Variants in CCSER1 observed in about 807,000 individuals in gnomAD.
CCSER1 encodes coiled-coil serine rich protein 1.
Under a neutral mutation model 82.0 loss-of-function variants are expected in CCSER1, and 41 were observed. The observed-to-expected ratio is 0.50, with a 90% CI of 0.39 to 0.65. The LOEUF is 0.65. Ranked by LOEUF, CCSER1 falls within the 30% of genes least tolerant of loss-of-function variation. The pLI is 0.00. For missense variants in CCSER1, 1,119 were observed against 1,064.2 expected, an observed-to-expected ratio of 1.05 and a Z score of -0.72; for synonymous variants, 414 against 383.9, an observed-to-expected ratio of 1.08 and a Z score of -0.92.
chr4:91,466,097 A>G (rs1203059264), intron 10 of CCSER1, among the ~76,000 whole-genome samples: 1 of 152,192 alleles, frequency 6.6e-6, no homozygotes, highest in East Asian at 1.9e-4. Context: ...TGATGCAAAA[A>G]TCCTCAATAA....
intron 9 of CCSER1, among the ~76,000 whole-genome samples, chr4:91,062,275 A>G (rs1329902153): frequency 6.6e-6 from 1 of 151,936 alleles, no homozygotes; most frequent in Non-Finnish European, 1.5e-5. Context: ...CAGAGGGAAC[A>G]CTCAAACTCC....
At chr4:91,351,335 A>G (rs1293288284) in intron 10 of CCSER1, among the ~76,000 whole-genome samples, 1 of 152,122 alleles carries the variant, frequency 6.6e-6, no homozygotes, top group Non-Finnish European at 1.5e-5. Context: ...CTTAATTTGA[A>G]TCCTTCAGAG....
intron 1 of CCSER1, among the ~76,000 whole-genome samples, chr4:90,149,872 G>A (rs555357678): frequency 3.3e-5 from 5 of 152,040 alleles, no homozygotes; most frequent in South Asian, 2.1e-4. Context: ...GTATGTAAAA[G>A]CAATCATTTA....
intron 1 of CCSER1, among the ~76,000 whole-genome samples, chr4:90,184,027 C>A (rs1237578666): frequency 2.0e-5 from 3 of 152,090 alleles, no homozygotes; most frequent in Non-Finnish European, 4.4e-5. Context: ...ATGGAAATAT[C>A]TCCCCAGTGA....
chr4:90,391,500 GGTAA>G (rs1751122715), intron 3 of CCSER1, among the ~76,000 whole-genome samples: 3 of 22,038 alleles, frequency 1.4e-4, no homozygotes, highest in African/African-American at 6.1e-4. Flanking sequence ...ACACACAGTG[GGTAA>G]ATATATATAT....
At chr4:90,972,458 A>G (rs1352214464) in intron 9 of CCSER1, among the ~76,000 whole-genome samples, 1 of 151,840 alleles carries the variant, frequency 6.6e-6, no homozygotes, top group Non-Finnish European at 1.5e-5. Flanking sequence ...TTAAGAATAA[A>G]TTTAACCAAC....
chr4:90,153,380 C>T (rs368194733), intron 1 of CCSER1, among the ~76,000 whole-genome samples: 1 of 152,032 alleles, frequency 6.6e-6, no homozygotes, highest in Non-Finnish European at 1.5e-5. Context: ...GCATGATTTA[C>T]AGTCCTTTGG....
intron 6 of CCSER1, among the ~76,000 whole-genome samples, chr4:90,633,984 A>G (rs777118197): frequency 2.6e-5 from 4 of 151,750 alleles, no homozygotes; most frequent in Non-Finnish European, 4.4e-5. Context: ...ATTCTCTAGT[A>G]TTAGTGGGAA....
chr4:91,512,136 T>C (rs930151686), intron 10 of CCSER1, among the ~76,000 whole-genome samples: 3 of 152,184 alleles, frequency 2.0e-5, no homozygotes, highest in Non-Finnish European at 4.4e-5. Context: ...GTCAACTTGA[T>C]TGGATTGAAG....
At position 90,303,118 on chromosome 4, in the gene CCSER1, T is replaced by C. The variant is rs559876080; in HGVS notation, c.-41-5126T>C. 3.3e-5 allele frequency among the ~76,000 whole-genome samples: 5 copies of C among 152,342 alleles called. No individual in the cohort carries two copies. The East Asian group carries it at 7.7e-4, about 23-fold the overall frequency. ...ATATCTACTCCAGGTTATTCAATAA[T>C]GTGCAGATATCTTTTAGTATCTATG... On this transcript the variant is annotated intron_variant, in intron 1 of 10. Transcript: ENST00000509176.
Position 91,595,210 on chromosome 4 carries a change from T to C in CCSER1, c.2218-3362T>C, listed in dbSNP as rs1447160639. 2.6e-5 allele frequency among the ~76,000 whole-genome samples: 4 copies of C among 152,134 alleles called. No individual in the cohort carries two copies. In the East Asian group the frequency reaches 7.7e-4, roughly 29 times the overall value. ...ACCATCCCAAATTCAGACCTCCCTA[T>C]GTGATCAGTCGAGATAGTGTAATTG... On this transcript the variant is annotated intron_variant, in intron 10 of 10. Coordinates refer to ENST00000509176, the MANE Select transcript of CCSER1 (RefSeq NM_001145065.2).
At position 90,625,800 on chromosome 4, in the gene CCSER1, G is replaced by GA. The variant is rs949476055; in HGVS notation, c.1725-2219dup. Among the ~76,000 whole-genome samples the GA allele has an allele frequency of 4.4e-4, 66 of 151,714 alleles. 1 individual carries two copies. Among genetic ancestry groups the GA allele is most frequent in the African/African-American group, 1.6e-3 (66 of 41,066 alleles). On this transcript the variant is annotated intron_variant, in intron 5 of 10. Coordinates refer to ENST00000509176, the MANE Select transcript of CCSER1 (RefSeq NM_001145065.2). ...AAATATATTCAAATTATTGAAGTAT[G>GA]AAAAAATGACTAATTTTATTTTCAA...
chr4:90,570,209 A>G (rs1327472184), intron 5 of CCSER1, among the ~76,000 whole-genome samples: 1 of 152,140 alleles, frequency 6.6e-6, no homozygotes, highest in Non-Finnish European at 1.5e-5. Flanking sequence ...AGATGTCATG[A>G]TAAATGTCTT....
intron 3 of CCSER1, among the ~76,000 whole-genome samples, chr4:90,358,140 A>T (rs1744679762): frequency 6.6e-6 from 1 of 152,102 alleles, no homozygotes; most frequent in Non-Finnish European, 1.5e-5. Context: ...TTGACAAAAG[A>T]TGTTTTAAAA....
rs1233917347 is a variant in CCSER1, at chr4:90,665,319, ATT to A, written c.1932+37095_1932+37096del. 2.2e-5 allele frequency among the ~76,000 whole-genome samples: 3 copies of A among 135,094 alleles called. No individual in the cohort carries two copies. In the East Asian group the frequency reaches 6.2e-4, roughly 28 times the overall value. The allele number at this position is 135,094 out of a possible 152,430, so 88.6% of individuals were successfully genotyped here. On this transcript the variant is annotated intron_variant, in intron 6 of 10. Coordinates refer to ENST00000509176, the MANE Select transcript of CCSER1 (RefSeq NM_001145065.2). Reference sequence around the variant, plus strand: ...TCTAAGGACTGAAACATATGCTGAGATTTTTTTTTCTTTTTTTTTTTTGAGAC... The same window carrying A: ...TCTAAGGACTGAAACATATGCTGAGATTTTTTTCTTTTTTTTTTTTGAGAC...
chr4:90,406,512 T>C (rs1239330872), intron 4 of CCSER1, among the ~76,000 whole-genome samples: 1 of 152,154 alleles, frequency 6.6e-6, no homozygotes, highest in Non-Finnish European at 1.5e-5. Context: ...CAAATAGACT[T>C]AACAGATATT....
chr4:90,922,500 A>C (rs576891846), intron 8 of CCSER1, among the ~76,000 whole-genome samples: 40 of 152,234 alleles, frequency 2.6e-4, no homozygotes, highest in African/African-American at 9.1e-4. Flanking sequence ...AATGATAGAC[A>C]TTCTGCTTTA....
Position 90,390,019 on chromosome 4 carries a change from T to C in CCSER1, c.1510-10017T>C, listed in dbSNP as rs1750723545. Among the ~76,000 whole-genome samples, 3 of 152,132 alleles carry C rather than the reference T, an allele frequency of 2.0e-5. No homozygotes were observed. In the South Asian group the frequency reaches 6.2e-4, roughly 32 times the overall value. Reference sequence around the variant, plus strand: ...AGAAAATCTGTCATATAATAAAATCTAGATATATTACCTTGTGTTTACTCT... The same window carrying C: ...AGAAAATCTGTCATATAATAAAATCCAGATATATTACCTTGTGTTTACTCT... On this transcript the variant is annotated intron_variant, in intron 3 of 10. Transcript: ENST00000509176.
At chr4:91,036,279 C>T (rs1741428090) in intron 9 of CCSER1, among the ~76,000 whole-genome samples, 1 of 152,136 alleles carries the variant, frequency 6.6e-6, no homozygotes. Flanking sequence ...TTCTTATTTA[C>T]ATAGGAATGT....
Sources: allele counts gnomAD v4.1 joint callset (sites outside exome capture counted in the v4.1 genomes callset), GRCh38; gene constraint gnomAD v4.1.1; transcripts MANE v1.5; gene names NCBI Gene and HGNC (gene_info 2026-07-23, HGNC 2026-07-21).